Variants in PPM1A observed in about 807,000 individuals in gnomAD.
The protein encoded by PPM1A is protein phosphatase 1A.
In PPM1A, 7 loss-of-function variants were observed where a neutral mutation model predicts 35.0. That is an observed-to-expected ratio of 0.20 (90% CI 0.11 to 0.38). PPM1A has a LOEUF of 0.38. Ranked by LOEUF, PPM1A falls within the 10% of genes least tolerant of loss-of-function variation. The pLI is 1.00. For missense variants in PPM1A, 239 were observed against 467.8 expected (o/e 0.51, Z 4.51); for synonymous variants, 153 against 167.3 (o/e 0.91, Z 0.66).
At chr14:60,287,743 A>G (rs556483349) in intron 3 of PPM1A, 3 of 984,118 alleles carry the variant, frequency 3.0e-6, no homozygotes, top group Non-Finnish European at 3.6e-6. Context: ...GGGGGTGTGA[A>G]AAGATTCAGC....
At chr14:60,260,579 A>C (rs1282129925) in intron 1 of PPM1A, among the ~76,000 whole-genome samples, 1 of 152,160 alleles carries the variant, frequency 6.6e-6, no homozygotes, top group African/African-American at 2.4e-5. Context: ...TTTACAGTTC[A>C]GTAGTCTTTA....
At chr14:60,255,438 T>C (rs1882999032) in intron 1 of PPM1A, among the ~76,000 whole-genome samples, 1 of 152,178 alleles carries the variant, frequency 6.6e-6, no homozygotes, top group Non-Finnish European at 1.5e-5. Context: ...CCCAAAGTGC[T>C]GGGATTACAG....
intron 1 of PPM1A, among the ~76,000 whole-genome samples, chr14:60,252,134 T>G (rs1882500167): frequency 6.6e-6 from 1 of 152,230 alleles, no homozygotes; most frequent in Non-Finnish European, 1.5e-5. Context: ...AGGCCATTTG[T>G]TTACTCTAAT....
chr14:60,261,743 T>TG (rs1219534029), intron 1 of PPM1A, among the ~76,000 whole-genome samples: 33 of 152,292 alleles, frequency 2.2e-4, no homozygotes, highest in Admixed American at 1.3e-4. Flanking sequence ...AATGAGAAAT[T>TG]GCAGCTTCCA....
In PPM1A at chr14:60,273,966, A is replaced by T. The variant is rs980717749; in HGVS notation, c.-20-8718A>T. 7.9e-5 allele frequency among the ~76,000 whole-genome samples: 12 copies of T among 152,276 alleles called. No individual in the cohort carries two copies. Among genetic ancestry groups the T allele is most frequent in the African/African-American group, 2.6e-4 (11 of 41,540 alleles). ...CAAGTATGCAACACCGCACCCAGTG[A>T]ATGTTCTTGGTTTGTATTCACCTTG... On this transcript the variant is annotated intron_variant, in intron 1 of 5. Transcript: ENST00000395076. This position sits in a 1 kb window ranked among gnomAD's most constrained non-coding sequence, Gnocchi z 4.3.
At position 60,296,581 on chromosome 14, in the gene PPM1A, C is replaced by T. The variant is rs1888079545; in HGVS notation, c.*4099C>T. ...GTTTTTCTTTTAGGCATTAGGAAGCCTTCTTTAGAGTTCAAAATTTTAGAA... is the reference window on the plus strand; with the variant it reads ...GTTTTTCTTTTAGGCATTAGGAAGCTTTCTTTAGAGTTCAAAATTTTAGAA... On this transcript the variant is annotated 3_prime_UTR_variant, in exon 6 of 6. Coordinates refer to ENST00000395076, the MANE Select transcript of PPM1A (RefSeq NM_021003.5). This position sits in a 1 kb window ranked among gnomAD's most constrained non-coding sequence, Gnocchi z 4.4. 3.1e-6 allele frequency: 1 copy of T among 323,690 alleles called. No homozygotes were observed. Among genetic ancestry groups the T allele is most frequent in the Non-Finnish European group, 5.7e-6 (1 of 174,838 alleles). The allele number at this position is 323,690 out of a possible 1,614,324, so 20.1% of individuals were successfully genotyped here.
chr14:60,249,867 C>T lies in PPM1A; in HGVS notation c.-21+190C>T, dbSNP rs1317000293. The stretch of plus-strand genomic sequence containing the variant: ...CGGGCGGCGGACGGCGAGGGGTTAA[C>T]GCTCGGCGAGGGCGGTGGCGGGGAG... On this transcript the variant is annotated intron_variant, in intron 1 of 5. Transcript: ENST00000395076. This position sits in a 1 kb window ranked among gnomAD's most constrained non-coding sequence, Gnocchi z 4.5. Among the ~76,000 whole-genome samples the T allele has an allele frequency of 1.3e-5, 2 of 151,256 alleles. No individual in the cohort carries two copies. The highest frequency in any genetic ancestry group is 4.8e-5 in the African/African-American group (2 of 41,272).
chr14:60,268,941 C>CTTTTTTTTTTTTTT (rs767187097), intron 1 of PPM1A, among the ~76,000 whole-genome samples: 1 of 128,632 alleles, frequency 7.8e-6, no homozygotes, highest in Non-Finnish European at 1.7e-5. Flanking sequence ...ATTTCATTTT[C>CTTTTTTTTTTTTTT]TTTTTTTTTT....
At chr14:60,247,627 CAAAAAAA>C (rs58749853), upstream of PPM1A, among the ~76,000 whole-genome samples, 17 of 50,144 alleles carry the variant, frequency 3.4e-4, no homozygotes, top group Non-Finnish European at 5.1e-4. Context: ...GACTCTGTCT[CAAAAAAA>C]AAAAAAAAAA....
intron 1 of PPM1A, among the ~76,000 whole-genome samples, chr14:60,255,169 T>TTTTTG (rs1327326200): frequency 1.9e-5 from 2 of 106,842 alleles, no homozygotes; most frequent in East Asian, 2.0e-4. Context: ...GTTTTTTTTT[T>TTTTTG]TTTTGTTTTG....
At chr14:60,268,949 T>G (rs1021054049) in intron 1 of PPM1A, among the ~76,000 whole-genome samples, 1 of 151,576 alleles carries the variant, frequency 6.6e-6, no homozygotes, top group Non-Finnish European at 1.5e-5. Flanking sequence ...TTCTTTTTTT[T>G]TTTTTTGGTC....
rs1887414251 is a variant in PPM1A, at chr14:60,289,643, C to A, written c.953-163C>A. Among the ~76,000 whole-genome samples the A allele has an allele frequency of 6.6e-6, 1 of 151,018 alleles. No individual in the cohort carries two copies. Among genetic ancestry groups the A allele is most frequent in the Non-Finnish European group, 1.5e-5 (1 of 67,824 alleles). Reference sequence around the variant, plus strand: ...ATTTTGTGCATTTTTTGTCATAAATCTTCAAAGGTCAACCTGATTTTTTTT... The same window carrying A: ...ATTTTGTGCATTTTTTGTCATAAATATTCAAAGGTCAACCTGATTTTTTTT... On this transcript the variant is annotated intron_variant, in intron 3 of 5. Coordinates refer to ENST00000395076, the MANE Select transcript of PPM1A (RefSeq NM_021003.5). This position sits in a 1 kb window ranked among gnomAD's most constrained non-coding sequence, Gnocchi z 4.1.
At chr14:60,284,916 ATTC>A (rs1172301693) in intron 2 of PPM1A, among the ~76,000 whole-genome samples, 4 of 151,758 alleles carry the variant, frequency 2.6e-5, no homozygotes, top group Non-Finnish European at 5.9e-5. Flanking sequence ...TTATTAACTT[ATTC>A]TTTGATGTTT....
At chr14:60,248,994 G>A (rs1566562259), upstream of PPM1A, among the ~76,000 whole-genome samples, 1 of 152,168 alleles carries the variant, frequency 6.6e-6, no homozygotes, top group Non-Finnish European at 1.5e-5. Flanking sequence ...AAAGGCGGCG[G>A]CAGCAGCAGC....
intron 1 of PPM1A, among the ~76,000 whole-genome samples, chr14:60,279,914 A>G (rs550935251): frequency 6.6e-6 from 1 of 152,252 alleles, no homozygotes; most frequent in African/African-American, 2.4e-5. Flanking sequence ...TATATTGAGT[A>G]TTTATAATTT....
intron 1 of PPM1A, among the ~76,000 whole-genome samples, chr14:60,252,104 AGTTT>A (rs1882497199): frequency 6.6e-6 from 1 of 152,160 alleles, no homozygotes; most frequent in Admixed American, 6.5e-5. Context: ...ATAGTCTTTT[AGTTT>A]GTTCAGATTA....
At chr14:60,285,816 C>A (rs375519822) in intron 3 of PPM1A, 75 bp downstream of exon 3, 1 of 1,566,190 alleles carries the variant, frequency 6.4e-7, no homozygotes, top group Non-Finnish European at 8.6e-7. Context: ...AACATTTTAG[C>A]TTTTAGATTT....
Position 60,284,566 on chromosome 14 carries a change from C to T in PPM1A, c.834+1029C>T, listed in dbSNP as rs1015360599. ...CTGAGGCAGGAGAATGGCGTGAACCCGGGAGGCGGAGCTTGCAGTGAGCCG... is the reference window on the plus strand; with the variant it reads ...CTGAGGCAGGAGAATGGCGTGAACCTGGGAGGCGGAGCTTGCAGTGAGCCG... On this transcript the variant is annotated intron_variant, in intron 2 of 5. Transcript: ENST00000395076. Among the ~76,000 whole-genome samples the T allele has an allele frequency of 4.1e-4, 61 of 148,970 alleles. 2 individuals carry two copies. The Middle Eastern group carries it at 0.028, about 69-fold the overall frequency.
rs768364748 is a variant in PPM1A at position 60,283,470 on chromosome 14, C to G, written c.767C>G (p.Ser256Cys). 6.2e-7 allele frequency: 1 copy of G among 1,613,840 alleles called. No individual in the cohort carries two copies. The highest frequency in any genetic ancestry group is 2.2e-5 in the East Asian group (1 of 44,892). Residue 256 changes from serine to cysteine, a missense_variant, in exon 2 of 6, where the codon TCC (serine) becomes TGC (cysteine). This residue lies in a region of PPM1A where 175 missense variants were observed against 389.2 expected (regional missense o/e 0.45). Transcript: ENST00000395076. This position sits in a 1 kb window ranked among gnomAD's most constrained non-coding sequence, Gnocchi z 6.3. ...GAAGAGCTCTGTGATTTTGTAAGAT[C>G]CAGACTTGAAGTCACTGATGACCTT... Reference protein sequence around the residue: ...GNEELCDFVRSRLEVTDDLEK... With the variant: ...GNEELCDFVRCRLEVTDDLEK...
Sources: allele counts gnomAD v4.1 joint callset (sites outside exome capture counted in the v4.1 genomes callset), GRCh38; gene constraint gnomAD v4.1.1; regional missense constraint gnomAD v4.1.1; non-coding constraint Gnocchi (gnomAD v3.1); transcripts MANE v1.5; gene names NCBI Gene and HGNC (gene_info 2026-07-23, HGNC 2026-07-21).